Variants in ROBO1 observed in about 807,000 individuals in gnomAD.
ROBO1 encodes roundabout homolog 1.
In ROBO1, 149 loss-of-function variants were observed where a neutral mutation model predicts 195.9. The ratio of observed to expected loss-of-function variants is 0.76; its 90% confidence interval spans 0.67 to 0.87. The LOEUF (loss-of-function observed/expected upper bound fraction) is 0.87, where lower values mean the gene tolerates loss of function less well. ROBO1 is among the 40% of genes least tolerant of loss of function. The probability of loss-of-function intolerance (pLI) is 0.00; values close to 1 mark genes in which losing one functional copy is unlikely to be tolerated. For synonymous variants in ROBO1, 816 were observed against 733.2 expected (o/e 1.11, Z -1.82); for missense variants, 1,933 against 2,068.3 (o/e 0.93, Z 1.27).
chr3:78,679,995 T>C (rs1444360653), intron 10 of ROBO1, among the ~76,000 whole-genome samples: 7 of 152,056 alleles, frequency 4.6e-5, no homozygotes, highest in African/African-American at 1.7e-4. Context: ...TATAGATCAA[T>C]GGAACAGAAC....
At chr3:78,999,953 C>T (rs2077459836) in intron 3 of ROBO1, among the ~76,000 whole-genome samples, 1 of 152,100 alleles carries the variant, frequency 6.6e-6, no homozygotes, top group South Asian at 2.1e-4. Flanking sequence ...TACATTTTCC[C>T]TTCTTGCACT....
chr3:79,635,306 A>G (rs1255855799), intron 1 of ROBO1, among the ~76,000 whole-genome samples: 2 of 152,236 alleles, frequency 1.3e-5, no homozygotes, highest in African/African-American at 4.8e-5. Context: ...AAATCTGGAA[A>G]GAAGCAAATT....
At chr3:79,490,956 C>T (rs1203490414) in intron 2 of ROBO1, among the ~76,000 whole-genome samples, 3 of 152,116 alleles carry the variant, frequency 2.0e-5, no homozygotes, top group Non-Finnish European at 4.4e-5. Flanking sequence ...TCCCTTCTCT[C>T]TCTCCCTGGA....
chr3:79,101,685 A>C (rs2079679081), intron 3 of ROBO1, among the ~76,000 whole-genome samples: 1 of 151,904 alleles, frequency 6.6e-6, no homozygotes. Context: ...GTGTATTTTG[A>C]AGTTGGATAG....
intron 2 of ROBO1, among the ~76,000 whole-genome samples, chr3:79,295,588 A>G (rs761846468): frequency 6.6e-6 from 1 of 152,080 alleles, no homozygotes; most frequent in Admixed American, 6.5e-5. Flanking sequence ...CCTGAACTTA[A>G]AGTATAATAA....
At chr3:79,656,826 G>A (rs139449839) in intron 1 of ROBO1, among the ~76,000 whole-genome samples, 1 of 152,164 alleles carries the variant, frequency 6.6e-6, no homozygotes, top group East Asian at 1.9e-4. Flanking sequence ...GAGCCCAGGA[G>A]GTTGAAGCTG....
chr3:79,496,440 G>A (rs1267567957), intron 2 of ROBO1, among the ~76,000 whole-genome samples: 1 of 125,892 alleles, frequency 7.9e-6, no homozygotes, highest in Non-Finnish European at 1.7e-5. Context: ...GCGGACTGCA[G>A]TGGCGCAATC....
intron 2 of ROBO1, among the ~76,000 whole-genome samples, chr3:79,555,101 C>T (rs1047800334): frequency 4.6e-5 from 7 of 151,962 alleles, no homozygotes; most frequent in Non-Finnish European, 1.0e-4. Context: ...GACTTTTAGT[C>T]ATATGGTTTC....
intron 1 of ROBO1, among the ~76,000 whole-genome samples, chr3:79,732,382 A>G (rs972434069): frequency 1.3e-5 from 2 of 152,122 alleles, no homozygotes; most frequent in South Asian, 2.1e-4. Flanking sequence ...GTTTAAAATT[A>G]TTTTCTTAAA....
At chr3:79,619,531 T>G (rs547066052) in intron 1 of ROBO1, among the ~76,000 whole-genome samples, 1 of 152,186 alleles carries the variant, frequency 6.6e-6, no homozygotes, top group East Asian at 1.9e-4. Flanking sequence ...ACCCTTCTAT[T>G]ACCTCCCTTC....
intron 2 of ROBO1, among the ~76,000 whole-genome samples, chr3:79,235,371 A>C (rs2082388901): frequency 6.6e-6 from 1 of 152,014 alleles, no homozygotes; most frequent in Non-Finnish European, 1.5e-5. Context: ...AATCATCATT[A>C]TAATAGTAAG....
chr3:79,040,207 A>G lies in ROBO1; in HGVS notation c.172+85249T>C, dbSNP rs140280864. Among the ~76,000 whole-genome samples the G allele has an allele frequency of 2.4e-3, 369 of 152,286 alleles. 3 individuals are homozygous for G. Among genetic ancestry groups the G allele is most frequent in the African/African-American group, 7.8e-3 (324 of 41,560 alleles). On this transcript the variant is annotated intron_variant, in intron 3 of 30. Transcript: ENST00000464233. The stretch of plus-strand genomic sequence containing the variant: ...CGACAAGAGATAAAGATTCGCCTCA[A>G]TCTTTCTCCATAATCTTCACTGGGG...
At chr3:79,707,252 C>T (rs976454113) in intron 1 of ROBO1, among the ~76,000 whole-genome samples, 2 of 152,146 alleles carry the variant, frequency 1.3e-5, no homozygotes, top group Middle Eastern at 3.4e-3. Context: ...GTAATCTGTC[C>T]ATCTCATCTG....
chr3:79,541,490 G>A (rs1288203890), intron 2 of ROBO1, among the ~76,000 whole-genome samples: 1 of 152,032 alleles, frequency 6.6e-6, no homozygotes. Flanking sequence ...AATTCCAAGA[G>A]AGAGACAGTA....
At chr3:78,605,271 G>A (rs373352948) in intron 29 of ROBO1, among the ~76,000 whole-genome samples, 47 of 151,982 alleles carry the variant, frequency 3.1e-4, no homozygotes, top group African/African-American at 9.9e-4. Context: ...TCTCTGGGTC[G>A]GTCAATCTGT....
Position 79,404,594 on chromosome 3 carries a change from C to T in ROBO1, c.88+185230G>A, listed in dbSNP as rs994474269. Among the ~76,000 whole-genome samples, 8 of 152,180 alleles carry T rather than the reference C, an allele frequency of 5.3e-5. No homozygotes were observed. In the East Asian group the frequency reaches 5.8e-4, roughly 11 times the overall value. On this transcript the variant is annotated intron_variant, in intron 2 of 30. Coordinates refer to ENST00000464233, the MANE Select transcript of ROBO1 (RefSeq NM_002941.4). Reference sequence around the variant, plus strand: ...TTTTATGTGTTAAGAGCAAATAAGACGATTTGGTGCCATGCACTGAAGGCC... The same window carrying T: ...TTTTATGTGTTAAGAGCAAATAAGATGATTTGGTGCCATGCACTGAAGGCC...
chr3:79,283,251 A>G (rs529965451), intron 2 of ROBO1, among the ~76,000 whole-genome samples: 10 of 152,322 alleles, frequency 6.6e-5, no homozygotes, highest in South Asian at 4.1e-4. Context: ...CATAGGCTGA[A>G]AAACTACCTA....
intron 4 of ROBO1, among the ~76,000 whole-genome samples, chr3:78,880,610 C>CA (rs2036121962): frequency 6.6e-6 from 1 of 152,110 alleles, no homozygotes; most frequent in Non-Finnish European, 1.5e-5. Flanking sequence ...AAATAAAATG[C>CA]AAAATGTCAA....
At chr3:79,717,263 C>A (rs1702528149) in intron 1 of ROBO1, among the ~76,000 whole-genome samples, 1 of 150,972 alleles carries the variant, frequency 6.6e-6, no homozygotes, top group African/African-American at 2.4e-5. Context: ...ACCTGTTTTT[C>A]TTTCTGAAGA....
Sources: gnomAD v4.1 joint callset for allele counts (sites outside exome capture counted in the v4.1 genomes callset) on GRCh38, gnomAD v4.1.1 for gene constraint, MANE v1.5 for transcripts, NCBI Gene and HGNC (gene_info 2026-07-23, HGNC 2026-07-21) for gene names.